SLC29A1: variants seen among roughly 807,000 people sequenced by gnomAD.
SLC29A1 encodes solute carrier family 29 member 1 (Augustine blood group).
Under a neutral mutation model 48.3 loss-of-function variants are expected in SLC29A1, and 22 were observed. That is an observed-to-expected ratio of 0.46 (90% CI 0.33 to 0.65). The LOEUF (loss-of-function observed/expected upper bound fraction) is 0.65, where lower values mean the gene tolerates loss of function less well. Ranked by LOEUF, SLC29A1 falls within the 30% of genes least tolerant of loss-of-function variation. The pLI is 0.03. For synonymous variants in SLC29A1, 228 were observed against 231.0 expected, an observed-to-expected ratio of 0.99 and a Z score of 0.12; for missense variants, 491 against 575.3, an observed-to-expected ratio of 0.85 and a Z score of 1.50.
Position 44,233,534 on chromosome 6 carries a change from G to C in SLC29A1, c.*6G>C, listed in dbSNP as rs755595105. 7 of 1,608,444 alleles carry C rather than the reference G, an allele frequency of 4.4e-6. No individual in the cohort carries two copies. The South Asian group carries it at 7.7e-5, about 18-fold the overall frequency. Reference sequence around the variant, plus strand: ...TGTTCCGGGCAATTGTGTGACAAAGGATGGACAGAAGGACTGCCTGCCTCC... The same window carrying C: ...TGTTCCGGGCAATTGTGTGACAAAGCATGGACAGAAGGACTGCCTGCCTCC... On this transcript the variant is annotated 3_prime_UTR_variant, in exon 13 of 13. Coordinates refer to ENST00000371755, the MANE Select transcript of SLC29A1 (RefSeq NM_001372327.1).
chr6:44,233,088 A>G (rs1048624226), intron 12 of SLC29A1, 82 bp downstream of exon 12: 1 of 1,391,384 alleles, frequency 7.2e-7, no homozygotes, highest in African/African-American at 1.4e-5. Context: ...AGGGAGGGCA[A>G]AAGGAGAGTC....
At chr6:44,233,392 G>C (rs759546492) in intron 12 of SLC29A1, 25 bp from the exon 13 acceptor site, 47 of 1,587,216 alleles carry the variant, frequency 3.0e-5, no homozygotes, top group Non-Finnish European at 4.0e-5. Context: ...TTCTGAGGTA[G>C]CCTTGCCCTT....
chr6:44,221,830 C>T, upstream of SLC29A1: 1 of 373,064 alleles, frequency 2.7e-6, no homozygotes, highest in Non-Finnish European at 5.2e-6. This position sits in a 1 kb window ranked among gnomAD's most constrained non-coding sequence, Gnocchi z 4.2. Context: ...CAATAACAGC[C>T]CTGGCTGTTG....
chr6:44,221,557 C>CTCTACCCCTTCGACAGGGACCTCT, upstream of SLC29A1: 1 of 1,141,644 alleles, frequency 8.8e-7, no homozygotes. This position sits in a 1 kb window ranked among gnomAD's most constrained non-coding sequence, Gnocchi z 4.2. Context: ...GCAGCAGGAC[C>CTCTACCCCTTCGACAGGGACCTCT]AACCCTTCCC....
upstream of SLC29A1, chr6:44,219,637 C>A: frequency 1.3e-5 from 16 of 1,194,422 alleles, no homozygotes; most frequent in South Asian, 2.1e-4. Context: ...CGGCGGCCCA[C>A]ACCGGTCAGG....
At chr6:44,226,497 G>A (rs2153280302) in intron 1 of SLC29A1, 1 of 153,712 alleles carries the variant, frequency 6.5e-6, no homozygotes, top group African/African-American at 2.4e-5. Flanking sequence ...CCTGGGGTCG[G>A]GAGGGGGGAG....
At position 44,223,781 on chromosome 6, in the gene SLC29A1, G is replaced by C. The variant is rs541541852; in HGVS notation, c.-52+140G>C. 10 of 1,030,080 alleles carry C rather than the reference G, an allele frequency of 9.7e-6. No homozygotes were observed. Among genetic ancestry groups the C allele is most frequent in the Non-Finnish European group, 1.2e-5 (10 of 855,378 alleles). 63.8% of individuals were successfully genotyped at this position (1,030,080 alleles called of 1,614,324 possible). On this transcript the variant is annotated intron_variant, in intron 1 of 12. Transcript: ENST00000371755. The surrounding 1 kb of genome is among the most constrained non-coding windows in gnomAD (Gnocchi z 5.0). ...GGGACGCCGGGTGGGGCCCCAGTGC[G>C]GAGCGTGCGGAGCCGCGCAGCACGT...
chr6:44,223,823 G>C lies in SLC29A1; in HGVS notation c.-52+182G>C. On this transcript the variant is annotated intron_variant, in intron 1 of 12. Transcript: ENST00000371755. The surrounding 1 kb of genome is among the most constrained non-coding windows in gnomAD (Gnocchi z 5.0). The stretch of plus-strand genomic sequence containing the variant: ...GCAGCACGTGGCGCGCACGGGCCAG[G>C]GAGCCTGAGGACCCTGCGGGGACCG... The C allele has an allele frequency of 3.9e-6, 4 of 1,014,566 alleles. No homozygotes were observed. The highest frequency in any genetic ancestry group is 4.7e-6 in the Non-Finnish European group (4 of 847,264). 62.8% of individuals were successfully genotyped at this position (1,014,566 alleles called of 1,614,324 possible). A position where few individuals can be genotyped will look rare whatever the true frequency, so the allele number is the denominator to read the frequency against.
chr6:44,230,199 T>C, intron 5 of SLC29A1, 148 bp from the exon 6 acceptor site: 1 of 1,477,816 alleles, frequency 6.8e-7, no homozygotes, highest in Non-Finnish European at 9.3e-7. Flanking sequence ...TGAGTGGGCC[T>C]GGACCAGGGC....
upstream of SLC29A1, chr6:44,219,868 A>G: frequency 9.9e-7 from 1 of 1,007,240 alleles, no homozygotes; most frequent in Non-Finnish European, 1.3e-6. Context: ...CGGGCGGGAC[A>G]GGGGGCCAGT....
At chr6:44,222,840 G>C (rs539271153), upstream of SLC29A1, among the ~76,000 whole-genome samples, 15 of 152,360 alleles carry the variant, frequency 9.8e-5, no homozygotes, top group South Asian at 4.1e-4. Context: ...ATTCCCACCT[G>C]TGCCTCAGTT....
At position 44,229,103 on chromosome 6, in the gene SLC29A1, C is replaced by T. The variant is rs1419642694; in HGVS notation, c.30-287C>T. Among the ~76,000 whole-genome samples, 1 of 152,186 alleles carries T rather than the reference C, an allele frequency of 6.6e-6. No individual in the cohort carries two copies. Among genetic ancestry groups the T allele is most frequent in the African/African-American group, 2.4e-5 (1 of 41,438 alleles). ...CGGATGTGTGGGTCACACTGGTTCC[C>T]AGCCTGCAGAGTCCCCCGAGCCTTC... is the stretch of plus-strand genomic sequence containing the variant. On this transcript the variant is annotated intron_variant, in intron 2 of 12. Coordinates refer to ENST00000371755, the MANE Select transcript of SLC29A1 (RefSeq NM_001372327.1). This position sits in a 1 kb window ranked among gnomAD's most constrained non-coding sequence, Gnocchi z 5.1.
rs1777789463 is a variant in SLC29A1, at chr6:44,227,289, A to T, written c.-25A>T. 1.2e-6 allele frequency: 2 copies of T among 1,614,082 alleles called. No individual in the cohort carries two copies. Among genetic ancestry groups the T allele is most frequent in the Non-Finnish European group, 1.7e-6 (2 of 1,179,984 alleles). On this transcript the variant is annotated 5_prime_UTR_variant, in exon 2 of 13. Transcript: ENST00000371755. The stretch of plus-strand genomic sequence containing the variant: ...CCCCTGAGGGAGGGAGCTGTCAGCC[A>T]GGGAAAACCGAGAACACCATCACCA...
In SLC29A1 at chr6:44,233,508, C is replaced by G. The variant is rs763934843; in HGVS notation, c.1351C>G (p.Leu451Val). The G allele has an allele frequency of 1.9e-6, 3 of 1,613,870 alleles. No homozygotes were observed. The highest frequency in any genetic ancestry group is 1.7e-5 in the Admixed American group (1 of 60,018). Residue 451 changes from leucine (L) to valine (V), a missense_variant, in exon 13 of 13, where the codon CTG becomes GTG. Coordinates refer to ENST00000371755, the MANE Select transcript of SLC29A1 (RefSeq NM_001372327.1). ...GGCACTGGGGGCTGTTTTCTCCTTC[C>G]TGTTCCGGGCAATTGTGTGACAAAG... ...GLALGAVFSFLFRAIV is the reference protein window; with the variant it reads ...GLALGAVFSFVFRAIV
chr6:44,232,507 T>C lies in SLC29A1; in HGVS notation c.1059+79T>C. 1 of 944,092 alleles carries C rather than the reference T, an allele frequency of 1.1e-6. No homozygotes were observed. The highest frequency in any genetic ancestry group is 1.7e-6 in the Non-Finnish European group (1 of 592,478). 58.5% of individuals were successfully genotyped at this position (944,092 alleles called of 1,614,324 possible). ...GACCCAGAGAGGGAACCCAAGAAAG[T>C]ATGGTAGTAAGGGGACCATTTGTTT... On this transcript the variant is annotated intron_variant, in intron 11 of 12. Coordinates refer to ENST00000371755, the MANE Select transcript of SLC29A1 (RefSeq NM_001372327.1). The surrounding 1 kb of genome is among the most constrained non-coding windows in gnomAD (Gnocchi z 4.7).
intron 1 of SLC29A1, chr6:44,227,055 G>GC: frequency 7.3e-7 from 1 of 1,362,864 alleles, no homozygotes; most frequent in South Asian, 1.6e-5. Flanking sequence ...GTCTGAGCAG[G>GC]CAGGGGGGCC....
upstream of SLC29A1, among the ~76,000 whole-genome samples, chr6:44,220,760 G>C (rs1277911313): frequency 3.9e-5 from 6 of 152,008 alleles, no homozygotes; most frequent in African/African-American, 1.4e-4. Context: ...AGGAGGTGGA[G>C]GTTGCAGTGA....
upstream of SLC29A1, among the ~76,000 whole-genome samples, chr6:44,222,111 AAGAG>A (rs947198179): frequency 9.2e-5 from 14 of 152,040 alleles, no homozygotes; most frequent in Admixed American, 5.2e-4. Context: ...CTAGGAGAGG[AAGAG>A]AGAGAGACTG....
upstream of SLC29A1, among the ~76,000 whole-genome samples, chr6:44,223,243 T>A (rs1014485110): frequency 8.7e-5 from 13 of 149,416 alleles, no homozygotes; most frequent in African/African-American, 3.0e-4. This position sits in a 1 kb window ranked among gnomAD's most constrained non-coding sequence, Gnocchi z 5.0. Flanking sequence ...TCGGGGCCGG[T>A]CTGAGCAGCG....
Sources: gnomAD v4.1 joint callset for allele counts (sites outside exome capture counted in the v4.1 genomes callset) on GRCh38, gnomAD v4.1.1 for gene constraint, Gnocchi (gnomAD v3.1) non-coding constraint, MANE v1.5 for transcripts, NCBI Gene and HGNC (gene_info 2026-07-23, HGNC 2026-07-21) for gene names.